Variants in IQCM observed in about 807,000 individuals in gnomAD.
IQCM encodes IQ motif containing M.
IQCM carries 45 observed loss-of-function variants against 57.6 expected under a neutral mutation model. That is an observed-to-expected ratio of 0.78 (90% CI 0.62 to 1.00). IQCM has a LOEUF of 1.00. Ranked by LOEUF, IQCM falls within the 50% of genes least tolerant of loss-of-function variation. The pLI is 0.00. For missense variants in IQCM, 468 were observed against 511.6 expected (o/e 0.91, Z 0.82); for synonymous variants, 148 against 158.9 (o/e 0.93, Z 0.51).
intron 13 of IQCM, among the ~76,000 whole-genome samples, chr4:149,410,330 T>A (rs912450453): frequency 6.6e-6 from 1 of 152,090 alleles, no homozygotes; most frequent in Non-Finnish European, 1.5e-5. Flanking sequence ...ATAGACCATA[T>A]TTATATAGCA....
intron 8 of IQCM, among the ~76,000 whole-genome samples, chr4:149,618,076 T>C (rs1755958550): frequency 6.6e-6 from 1 of 152,098 alleles, no homozygotes; most frequent in Non-Finnish European, 1.5e-5. Flanking sequence ...ATGATAAAGC[T>C]AGAGGTATCA....
intron 12 of IQCM, among the ~76,000 whole-genome samples, chr4:149,484,442 C>CT (rs2149759769): frequency 6.6e-6 from 1 of 151,874 alleles, no homozygotes; most frequent in Non-Finnish European, 1.5e-5. Flanking sequence ...TTATTTCTTG[C>CT]TTTTTATTTT....
chr4:149,369,992 T>C (rs1730252037), intron 13 of IQCM, among the ~76,000 whole-genome samples: 2 of 152,114 alleles, frequency 1.3e-5, no homozygotes, highest in Non-Finnish European at 2.9e-5. Context: ...GTCTCCTGGG[T>C]TCGAAAGATC....
At chr4:149,485,543 T>C (rs1041956508) in intron 12 of IQCM, among the ~76,000 whole-genome samples, 1 of 151,936 alleles carries the variant, frequency 6.6e-6, no homozygotes, top group South Asian at 2.1e-4. Flanking sequence ...TTACCAACTC[T>C]AGAATTTGTT....
intron 13 of IQCM, among the ~76,000 whole-genome samples, chr4:149,405,378 C>T (rs771065782): frequency 3.4e-5 from 5 of 146,676 alleles, no homozygotes; most frequent in Non-Finnish European, 7.5e-5. Flanking sequence ...AGTAAACACG[C>T]AAGAAGAACA....
intron 7 of IQCM, among the ~76,000 whole-genome samples, chr4:149,631,987 A>G (rs997011660): frequency 3.9e-5 from 6 of 152,240 alleles, no homozygotes; most frequent in Non-Finnish European, 7.3e-5. Flanking sequence ...TACACCACAT[A>G]GAAATAATCT....
At chr4:149,385,477 A>G (rs1443280205) in intron 13 of IQCM, among the ~76,000 whole-genome samples, 2 of 152,078 alleles carry the variant, frequency 1.3e-5, no homozygotes, top group Admixed American at 1.3e-4. Flanking sequence ...GAAGGTGATA[A>G]GTAAGTTATG....
intron 13 of IQCM, among the ~76,000 whole-genome samples, chr4:149,409,282 A>C (rs1414893914): frequency 6.6e-6 from 1 of 152,220 alleles, no homozygotes; most frequent in Non-Finnish European, 1.5e-5. Flanking sequence ...TGACAGACTG[A>C]AAGGCTTAGC....
chr4:149,427,576 C>T (rs1734550249), intron 13 of IQCM, among the ~76,000 whole-genome samples: 1 of 151,866 alleles, frequency 6.6e-6, no homozygotes, highest in South Asian at 2.1e-4. Flanking sequence ...TGAGAAAGAC[C>T]TAATTCATCA....
At chr4:149,798,904 GT>G (rs1773357129) in intron 2 of IQCM, among the ~76,000 whole-genome samples, 1 of 151,860 alleles carries the variant, frequency 6.6e-6, no homozygotes, top group Admixed American at 6.6e-5. Flanking sequence ...AACACTCCAC[GT>G]TAAGCATTGG....
intron 13 of IQCM, among the ~76,000 whole-genome samples, chr4:149,379,499 T>C (rs1730931346): frequency 6.6e-6 from 1 of 152,166 alleles, no homozygotes; most frequent in Non-Finnish European, 1.5e-5. Flanking sequence ...AGGAGGCCAT[T>C]TTGGACCTTC....
At chr4:149,352,986 C>T (rs1728681436) in intron 13 of IQCM, among the ~76,000 whole-genome samples, 1 of 152,096 alleles carries the variant, frequency 6.6e-6, no homozygotes, top group Non-Finnish European at 1.5e-5. Context: ...GAATAATCAA[C>T]ATGGCTAAAA....
chr4:149,660,727 C>G (rs913141395), intron 7 of IQCM, among the ~76,000 whole-genome samples: 1 of 151,438 alleles, frequency 6.6e-6, no homozygotes, highest in Non-Finnish European at 1.5e-5. Flanking sequence ...TAAACTATCG[C>G]AAGGACAAAA....
At chr4:149,405,729 T>C (rs1035152693) in intron 13 of IQCM, among the ~76,000 whole-genome samples, 5 of 151,166 alleles carry the variant, frequency 3.3e-5, no homozygotes, top group African/African-American at 4.9e-5. Context: ...AATATTAAAG[T>C]CACAAACTTG....
intron 12 of IQCM, among the ~76,000 whole-genome samples, chr4:149,474,991 T>C (rs976124434): frequency 6.6e-6 from 1 of 152,094 alleles, no homozygotes; most frequent in Non-Finnish European, 1.5e-5. Flanking sequence ...TTAACAGCCA[T>C]TGAAAAGGTT....
chr4:149,551,617 A>G (rs1749034727), intron 11 of IQCM, among the ~76,000 whole-genome samples: 1 of 152,150 alleles, frequency 6.6e-6, no homozygotes, highest in African/African-American at 2.4e-5. Context: ...TGGAAAAGAA[A>G]ATGTGGTCAG....
intron 7 of IQCM, among the ~76,000 whole-genome samples, chr4:149,635,531 G>A (rs1385752472): frequency 6.6e-6 from 1 of 152,116 alleles, no homozygotes; most frequent in African/African-American, 2.4e-5. Context: ...AAAGTATTAT[G>A]AATGTTAAGC....
intron 2 of IQCM, among the ~76,000 whole-genome samples, chr4:149,793,351 T>C (rs1772815333): frequency 2.0e-5 from 3 of 152,164 alleles, no homozygotes; most frequent in Admixed American, 2.0e-4. Context: ...TTTTACTCTT[T>C]ACTTTTAGGC....
chr4:149,480,756 C>T (rs1740692161), intron 12 of IQCM, among the ~76,000 whole-genome samples: 1 of 152,014 alleles, frequency 6.6e-6, no homozygotes, highest in South Asian at 2.1e-4. Context: ...TATTTATTTC[C>T]TTTATTTTGG....
Sources: gnomAD v4.1 joint callset for allele counts (sites outside exome capture counted in the v4.1 genomes callset) on GRCh38, gnomAD v4.1.1 for gene constraint, MANE v1.5 for transcripts, NCBI Gene and HGNC (gene_info 2026-07-23, HGNC 2026-07-21) for gene names.